NBPF20: variants seen among roughly 807,000 people sequenced by gnomAD.
NBPF20 encodes NBPF member 20.
In NBPF20, 90 loss-of-function variants were observed where a neutral mutation model predicts 68.1. The observed-to-expected ratio is 1.32, with a 90% confidence interval of 1.11 to 1.58. The LOEUF (loss-of-function observed/expected upper bound fraction) is 1.58. Among genes scored for constraint, NBPF20 ranks in the 40% most tolerant of loss-of-function variants. The pLI is 0.00. For synonymous variants in NBPF20, 290 were observed against 228.1 expected, an observed-to-expected ratio of 1.27 and a Z score of -2.45; for missense variants, 816 against 601.2, an observed-to-expected ratio of 1.36 and a Z score of -3.74.
chr1:145,400,123 AG>A (rs1226202962), intron 6 of NBPF20, among the ~76,000 whole-genome samples: 4 of 152,200 alleles, frequency 2.6e-5, no homozygotes, highest in Non-Finnish European at 4.4e-5. Flanking sequence ...CGAAGCTAGT[AG>A]GCCTGACAGA....
chr1:145,291,281 T>G (rs1414079097), exon 138 of NBPF20: 5 of 637,860 alleles, frequency 7.8e-6, no homozygotes, highest in Non-Finnish European at 1.3e-5. Flanking sequence ...CAAATTAAAA[T>G]GTCTGACTGA....
the NBPF20 span, among the ~76,000 whole-genome samples, chr1:145,422,914 G>A: frequency 6.8e-6 from 1 of 147,404 alleles, no homozygotes; most frequent in Non-Finnish European, 1.5e-5. Flanking sequence ...GCTTGAGCCA[G>A]GAGGTGGAGG....
exon 138 of NBPF20, chr1:145,291,466 C>T (rs587719161): frequency 2.3e-5 from 37 of 1,611,866 alleles, no homozygotes; most frequent in Non-Finnish European, 3.1e-5. Context: ...TCATTCAAAT[C>T]TTCACGTGCC....
intron 129 of NBPF20, among the ~76,000 whole-genome samples, chr1:145,298,345 C>T (rs1485190451): frequency 2.8e-5 from 4 of 141,864 alleles, no homozygotes; most frequent in African/African-American, 1.2e-4. Context: ...CACACACACA[C>T]ACACACACAC....
chr1:145,424,880 C>T, the NBPF20 span, among the ~76,000 whole-genome samples: 1 of 152,186 alleles, frequency 6.6e-6, no homozygotes, highest in African/African-American at 2.4e-5. Context: ...TTGGTACACC[C>T]GGCTTGCCCA....
chr1:145,408,349 C>G (rs1662889709), upstream of NBPF20, among the ~76,000 whole-genome samples: 1 of 151,924 alleles, frequency 6.6e-6, no homozygotes, highest in South Asian at 2.1e-4. Flanking sequence ...CATACCCCTC[C>G]TGTGTGTGGC....
exon 137 of NBPF20, chr1:145,292,480 T>A (rs782772529): frequency 4.2e-6 from 3 of 716,800 alleles, no homozygotes; most frequent in Admixed American, 2.0e-5. Context: ...CTTCCCCTTC[T>A]TTTCAATTTC....
chr1:145,292,585 C>A (rs1458383533), intron 136 of NBPF20, 96 bp from the exon 142 acceptor site: 6 of 744,662 alleles, frequency 8.1e-6, no homozygotes, highest in East Asian at 2.5e-5. Context: ...CCTCAGGCTC[C>A]CCAGCATAAG....
the NBPF20 span, among the ~76,000 whole-genome samples, chr1:145,419,192 TAAAG>T: frequency 7.1e-5 from 8 of 113,286 alleles, no homozygotes; most frequent in East Asian, 1.5e-3. Flanking sequence ...AGGGAAAGAA[TAAAG>T]AGAGAGAGAA....
In NBPF20 at chr1:145,377,921, T is replaced by C. The variant is rs1231765034; in HGVS notation, c.3464+122A>G. The C allele has an allele frequency of 3.9e-5, 15 of 384,210 alleles. 1 individual carries two copies. Among genetic ancestry groups the C allele is most frequent in the South Asian group, 3.3e-4 (14 of 42,720 alleles). The allele number at this position is 384,210 out of a possible 1,614,324, so 23.8% of individuals were successfully genotyped here. On this transcript the variant is annotated intron_variant, in intron 29 of 137. Transcript: ENST00000369373. The stretch of plus-strand genomic sequence containing the variant: ...CTACTGCAATGAAAACCAACAGCAA[T>C]GTCAGGAGGAGTAATTCAACCTTCG...
At chr1:145,404,642 T>C (rs1553666517) in intron 2 of NBPF20, among the ~76,000 whole-genome samples, 1 of 152,164 alleles carries the variant, frequency 6.6e-6, no homozygotes, top group Admixed American at 6.5e-5. Context: ...TCAGAGCAGG[T>C]ACTGGCTACT....
At chr1:145,397,139 G>A (rs1271306934) in intron 7 of NBPF20, among the ~76,000 whole-genome samples, 1 of 145,532 alleles carries the variant, frequency 6.9e-6, no homozygotes, top group Non-Finnish European at 1.5e-5. Context: ...TGGTGTATAT[G>A]TGCCACATTT....
intron 137 of NBPF20, 51 bp downstream of exon 142, chr1:145,292,330 T>G: frequency 1.6e-6 from 1 of 640,100 alleles, no homozygotes; most frequent in Non-Finnish European, 2.8e-6. Flanking sequence ...CTGAATCTGT[T>G]GCCTCCAGGT....
chr1:145,410,323 T>A (rs1328585094), upstream of NBPF20, among the ~76,000 whole-genome samples: 4 of 151,620 alleles, frequency 2.6e-5, no homozygotes, highest in African/African-American at 9.7e-5. Context: ...TCTTCTTTTT[T>A]TTTTTTTTTG....
the NBPF20 span, among the ~76,000 whole-genome samples, chr1:145,425,534 C>G: frequency 9.5e-4 from 145 of 152,322 alleles, 2 homozygotes; most frequent in South Asian, 0.027. Flanking sequence ...CCAATATCGC[C>G]GCTGTCTCAA....
exon 138 of NBPF20, chr1:145,290,012 C>CA (rs1166350609): frequency 8.8e-5 from 13 of 147,398 alleles, no homozygotes; most frequent in African/African-American, 3.4e-4. Context: ...GAGTGATAGG[C>CA]AAAAGGTTTT....
In NBPF20 at chr1:145,292,436, T is replaced by A. The variant is rs370631350; in HGVS notation, c.16642A>T (p.Lys5548Ter). The A allele has an allele frequency of 1.4e-6, 1 of 702,184 alleles. No individual in the cohort carries two copies. Among genetic ancestry groups the A allele is most frequent in the Non-Finnish European group, 2.5e-6 (1 of 398,066 alleles). 43.5% of individuals were successfully genotyped at this position (702,184 alleles called of 1,614,324 possible). The change falls in exon 137 of 138, where the codon AAA becomes TAA. Residue 5548 changes from lysine (K) to a stop codon, truncating the protein, a stop_gained. Transcript: ENST00000369373. LOFTEE classifies it high-confidence loss of function. Reference sequence around the variant, plus strand: ...CCTTCTTTTCTTCCCCTTCTTCTTTTCTTCTTTGATCTTCTTCCCCTTCTT... The same window carrying A: ...CCTTCTTTTCTTCCCCTTCTTCTTTACTTCTTTGATCTTCTTCCCCTTCTT...
chr1:145,397,754 T>G lies in NBPF20; in HGVS notation c.827+1295A>C, dbSNP rs1342185077. 3.1e-3 allele frequency among the ~76,000 whole-genome samples: 468 copies of G among 152,280 alleles called. 2 individuals carry two copies. The highest frequency in any genetic ancestry group is 0.01 in the Middle Eastern group (3 of 294). On this transcript the variant is annotated intron_variant, in intron 7 of 137. Coordinates refer to ENST00000369373, the Ensembl canonical transcript of NBPF20. ...TAACAATATTAACCTTAAATGTAAA[T>G]GGGCTAAATGCCCCAGTTAAAAAAC...
intron 3 of NBPF20, 127 bp from the exon 9 acceptor site, chr1:145,402,508 A>C: frequency 1.1e-6 from 1 of 892,082 alleles, no homozygotes. Context: ...CACATGTTTA[A>C]AGGAATGTCT....
Sources: allele counts gnomAD v4.1 joint callset (sites outside exome capture counted in the v4.1 genomes callset), GRCh38; gene constraint gnomAD v4.1.1; transcripts MANE v1.5; gene names NCBI Gene and HGNC (gene_info 2026-07-23, HGNC 2026-07-21).